The following TNKS2 variants were observed in gnomAD, a reference collection of about 807,000 sequenced individuals.
TNKS2 encodes the protein poly [ADP-ribose] polymerase tankyrase-2.
TNKS2 carries 72 observed loss-of-function variants against 137.6 expected under a neutral mutation model. The observed-to-expected ratio is 0.52, with a 90% CI of 0.43 to 0.64. TNKS2 has a LOEUF of 0.64. Ranked by LOEUF, TNKS2 falls within the 30% of genes least tolerant of loss-of-function variation. The pLI is 0.00. For synonymous variants in TNKS2, 516 were observed against 512.1 expected (o/e 1.01, Z -0.10); for missense variants, 1,049 against 1,410.2 (o/e 0.74, Z 4.10).
chr10:91,843,036 T>G (rs936752278), intron 16 of TNKS2, among the ~76,000 whole-genome samples: 2 of 152,034 alleles, frequency 1.3e-5, no homozygotes, highest in Non-Finnish European at 1.5e-5. Flanking sequence ...GAGCCAGCCT[T>G]CCTTATAGGA....
chr10:91,813,216 G>A lies in TNKS2; in HGVS notation c.424+9G>A, dbSNP rs1444476076. 6.2e-7 allele frequency: 1 copy of A among 1,609,298 alleles called. No homozygotes were observed. The highest frequency in any genetic ancestry group is 8.5e-7 in the Non-Finnish European group (1 of 1,176,194). On this transcript the variant is annotated intron_variant, in intron 2 of 26. Transcript: ENST00000371627. ...GATTGATGTTTGCATTGGTAAGACTGTTTACTTTTCCGACTTTTACTAATG... is the reference window on the plus strand; with the variant it reads ...GATTGATGTTTGCATTGGTAAGACTATTTACTTTTCCGACTTTTACTAATG...
At position 91,864,403 on chromosome 10, in the gene TNKS2, CTT is replaced by C. The variant is rs1285126994; in HGVS notation, c.*1407_*1408del. On this transcript the variant is annotated 3_prime_UTR_variant, in exon 27 of 27. Transcript: ENST00000371627. ...TACATCCATTATGGCTTGGCAATCT[CTT>C]TTATTTGTTGACTCTAGCTCCCTTC... 5 of 152,550 alleles carry C rather than the reference CTT, an allele frequency of 3.3e-5. No individual in the cohort carries two copies. The South Asian group carries it at 8.3e-4, about 25-fold the overall frequency. 9.4% of individuals were successfully genotyped at this position (152,550 alleles called of 1,614,324 possible).
At chr10:91,802,991 T>A (rs1047911208) in intron 1 of TNKS2, among the ~76,000 whole-genome samples, 1 of 152,200 alleles carries the variant, frequency 6.6e-6, no homozygotes, top group Non-Finnish European at 1.5e-5. Context: ...AGGTAGACAG[T>A]TGACTTCAAT....
At chr10:91,847,416 G>C (rs1842409546) in intron 18 of TNKS2, among the ~76,000 whole-genome samples, 1 of 151,956 alleles carries the variant, frequency 6.6e-6, no homozygotes, top group South Asian at 2.1e-4. Flanking sequence ...CCAGACTGTA[G>C]TGCAGTGGCA....
At chr10:91,809,784 G>T (rs955976011) in intron 1 of TNKS2, among the ~76,000 whole-genome samples, 1 of 151,630 alleles carries the variant, frequency 6.6e-6, no homozygotes, top group Non-Finnish European at 1.5e-5. Context: ...ATTTATTCAC[G>T]CAATTGCCAA....
At chr10:91,843,441 T>C (rs1176933212) in intron 16 of TNKS2, among the ~76,000 whole-genome samples, 1 of 152,194 alleles carries the variant, frequency 6.6e-6, no homozygotes, top group Non-Finnish European at 1.5e-5. Context: ...CTTTTTTAGC[T>C]CTTTAAAGGC....
Position 91,855,600 on chromosome 10 carries a change from C to A in TNKS2, c.2914-14C>A. On this transcript the variant is annotated splice_polypyrimidine_tract_variant and intron_variant, in intron 22 of 26. Transcript: ENST00000371627. ...ATGCTAATGCACATATATTTCAAAC[C>A]ATTTTTCTGACAGATGCAAAGTACA... 6.2e-7 allele frequency: 1 copy of A among 1,604,546 alleles called. No individual in the cohort carries two copies. Among genetic ancestry groups the A allele is most frequent in the Non-Finnish European group, 8.5e-7 (1 of 1,175,048 alleles).
intron 1 of TNKS2, among the ~76,000 whole-genome samples, chr10:91,809,305 T>C (rs1378555059): frequency 1.3e-5 from 2 of 152,192 alleles, no homozygotes; most frequent in Non-Finnish European, 2.9e-5. Context: ...GCCATGTGAG[T>C]ATTACCTATG....
chr10:91,806,741 A>G (rs1844336228), intron 1 of TNKS2, among the ~76,000 whole-genome samples: 1 of 152,216 alleles, frequency 6.6e-6, no homozygotes, highest in South Asian at 2.1e-4. Flanking sequence ...CATATTTTAT[A>G]TTTATTGGTC....
At position 91,848,604 on chromosome 10, in the gene TNKS2, A is replaced by C; in HGVS notation, c.2580A>C (p.Thr860=). The part of the protein sequence containing the change: ...ELSSVVSSSG[T]EGASSLEKKE... ...CTTCAGTAGTTAGTTCAAGTGGAAC[A>C]GAGGGTGCTTCCAGTTTGGAGAAAA... is the stretch of plus-strand genomic sequence containing the variant. The change falls in exon 19 of 27, where the codon ACA becomes ACC. Residue 860 remains threonine, a synonymous_variant. Transcript: ENST00000371627. 1 of 1,614,224 alleles carries C rather than the reference A, an allele frequency of 6.2e-7. No individual in the cohort carries two copies. Among genetic ancestry groups the C allele is most frequent in the Non-Finnish European group, 8.5e-7 (1 of 1,180,026 alleles).
At chr10:91,860,755 T>C (rs1248211596) in intron 25 of TNKS2, among the ~76,000 whole-genome samples, 1 of 152,182 alleles carries the variant, frequency 6.6e-6, no homozygotes, top group Non-Finnish European at 1.5e-5. Context: ...TTGTTCTTAC[T>C]GTTACCCCTC....
intron 6 of TNKS2, among the ~76,000 whole-genome samples, chr10:91,821,412 G>A (rs1844888777): frequency 6.6e-6 from 1 of 151,896 alleles, no homozygotes; most frequent in South Asian, 2.1e-4. Context: ...TTGGTGCTCA[G>A]GCAAGTGAAG....
intron 1 of TNKS2, among the ~76,000 whole-genome samples, chr10:91,803,171 A>G (rs980038907): frequency 2.6e-5 from 4 of 152,200 alleles, no homozygotes; most frequent in African/African-American, 9.7e-5. Flanking sequence ...TTCGTTCTTA[A>G]GAAGTATATG....
chr10:91,814,646 G>T (rs1323382490), intron 2 of TNKS2, among the ~76,000 whole-genome samples: 2 of 152,052 alleles, frequency 1.3e-5, no homozygotes, highest in Non-Finnish European at 2.9e-5. Context: ...ACTATATTTA[G>T]ACATACTTAG....
intron 20 of TNKS2, among the ~76,000 whole-genome samples, chr10:91,850,897 G>A (rs755494854): frequency 2.6e-5 from 4 of 152,162 alleles, no homozygotes; most frequent in Non-Finnish European, 5.9e-5. Flanking sequence ...CAGTGATGCA[G>A]AAGTACCACT....
In TNKS2 at chr10:91,827,049, G is replaced by A; in HGVS notation, c.828G>A (p.Trp276Ter). The part of the protein sequence containing the change: ...HGACVNAMDL[W>*]QFTPLHEAAS... Reference sequence around the variant, plus strand: ...CCTGTGTAAATGCAATGGACTTGTGGCAATTCACTCCTCTTCATGAGGCAG... The same window carrying A: ...CCTGTGTAAATGCAATGGACTTGTGACAATTCACTCCTCTTCATGAGGCAG... The change falls in exon 8 of 27, where the codon TGG becomes TGA. Residue 276 changes from tryptophan (W) to a stop codon, truncating the protein, a stop_gained. Transcript: ENST00000371627. LOFTEE classifies it high-confidence loss of function. The A allele has an allele frequency of 6.3e-7, 1 of 1,595,410 alleles. No homozygotes were observed. The highest frequency in any genetic ancestry group is 1.1e-5 in the South Asian group (1 of 87,468).
chr10:91,831,384 A>T (rs1209243039), intron 11 of TNKS2, among the ~76,000 whole-genome samples: 2 of 152,122 alleles, frequency 1.3e-5, no homozygotes, highest in Admixed American at 1.3e-4. Flanking sequence ...TCAGATACAC[A>T]TTCCTGTATG....
intron 3 of TNKS2, among the ~76,000 whole-genome samples, chr10:91,818,747 A>G (rs1366646081): frequency 1.3e-5 from 2 of 152,060 alleles, no homozygotes; most frequent in Non-Finnish European, 2.9e-5. Flanking sequence ...TCCCCAGGCT[A>G]GTCTCTAACT....
At chr10:91,843,095 G>GA (rs879419524) in intron 16 of TNKS2, among the ~76,000 whole-genome samples, 107 of 144,394 alleles carry the variant, frequency 7.4e-4, no homozygotes, top group East Asian at 2.0e-3. Flanking sequence ...GCACAAGCAG[G>GA]AAAAAAAAAA....
Sources: gnomAD v4.1 joint callset for allele counts (sites outside exome capture counted in the v4.1 genomes callset) on GRCh38, gnomAD v4.1.1 for gene constraint, MANE v1.5 for transcripts, NCBI Gene and HGNC (gene_info 2026-07-23, HGNC 2026-07-21) for gene names.